Variants in SNX31 observed in about 807,000 individuals in gnomAD.
The protein encoded by SNX31 is sorting nexin 31, also known as sorting nexin-31.
SNX31 carries 58 observed loss-of-function variants against 65.4 expected under a neutral mutation model. That is an observed-to-expected ratio of 0.89 (90% CI 0.72 to 1.10). The LOEUF is 1.10. SNX31 is among the 50% of genes least tolerant of loss of function. SNX31 has a pLI of 0.00. For synonymous variants in SNX31, 181 were observed against 190.1 expected (o/e 0.95, Z 0.39); for missense variants, 523 against 529.7 (o/e 0.99, Z 0.12).
chr8:100,644,004 C>T (rs1819454519), intron 2 of SNX31, among the ~76,000 whole-genome samples: 1 of 152,142 alleles, frequency 6.6e-6, no homozygotes, highest in South Asian at 2.1e-4. Context: ...GAAACGATTG[C>T]TCCCTTGACA....
At chr8:100,642,264 T>G (rs1819310226) in intron 2 of SNX31, among the ~76,000 whole-genome samples, 1 of 152,182 alleles carries the variant, frequency 6.6e-6, no homozygotes, top group African/African-American at 2.4e-5. Flanking sequence ...GAAGCAAAAA[T>G]TTGACTTCTT....
chr8:100,607,960 T>G (rs1816327092), intron 8 of SNX31, among the ~76,000 whole-genome samples: 1 of 152,240 alleles, frequency 6.6e-6, no homozygotes, highest in Non-Finnish European at 1.5e-5. Context: ...GCAGGCAGGT[T>G]GCTTGTTGGC....
In SNX31 at chr8:100,649,665, T is replaced by C. The variant is rs1819899621; in HGVS notation, c.-151A>G. On this transcript the variant is annotated 5_prime_UTR_variant, in exon 1 of 14. Coordinates refer to ENST00000311812, the MANE Select transcript of SNX31 (RefSeq NM_152628.4). ...CCCGCTCTCGCCGGCCGGGGACATC[T>C]ACAGGTGGGGCCGGGGCCGGGCCGC... 5 of 676,488 alleles carry C rather than the reference T, an allele frequency of 7.4e-6. No individual in the cohort carries two copies. Among genetic ancestry groups the C allele is most frequent in the Non-Finnish European group, 9.5e-6 (4 of 419,658 alleles). The allele number at this position is 676,488 out of a possible 1,614,324, so 41.9% of individuals were successfully genotyped here. A position where few individuals can be genotyped will look rare whatever the true frequency, so the allele number is the denominator to read the frequency against.
intron 1 of SNX31, among the ~76,000 whole-genome samples, chr8:100,658,299 G>A (rs1427581189): frequency 6.6e-6 from 1 of 152,186 alleles, no homozygotes; most frequent in South Asian, 2.1e-4. Context: ...GGGAAGCTAC[G>A]TTAGAATCTC....
In SNX31 at chr8:100,600,422, T is replaced by A; in HGVS notation, c.701A>T (p.Lys234Ile). 6.2e-6 allele frequency: 10 copies of A among 1,613,650 alleles called. No homozygotes were observed. The highest frequency in any genetic ancestry group is 8.5e-6 in the Non-Finnish European group (10 of 1,179,784). Residue 234 changes from lysine (K) to isoleucine (I), a missense_variant, in exon 9 of 14, where the codon AAA becomes ATA. Transcript: ENST00000311812. ...LYMQAIQDIEKGWAKPTQAQR... is the reference protein window; with the variant it reads ...LYMQAIQDIEIGWAKPTQAQR... ...TGCCTGTGTGGGTTTGGCCCATCCT[T>A]TTTCAATGTCCTGTATTGCCTTAAA... is the stretch of plus-strand genomic sequence containing the variant.
intron 2 of SNX31, among the ~76,000 whole-genome samples, chr8:100,638,965 A>G (rs1336515119): frequency 6.6e-6 from 1 of 152,238 alleles, no homozygotes; most frequent in Non-Finnish European, 1.5e-5. Flanking sequence ...GCTATATACT[A>G]TATGATTTCA....
At chr8:100,642,619 G>A (rs1232048627) in intron 2 of SNX31, among the ~76,000 whole-genome samples, 1 of 152,156 alleles carries the variant, frequency 6.6e-6, no homozygotes, top group Non-Finnish European at 1.5e-5. Flanking sequence ...AGGAAACTGA[G>A]TAGTTAAATG....
chr8:100,620,306 C>T (rs1428505143), intron 4 of SNX31, among the ~76,000 whole-genome samples: 1 of 152,232 alleles, frequency 6.6e-6, no homozygotes, highest in African/African-American at 2.4e-5. Context: ...ACCTTTCAGA[C>T]ACAACAGATG....
At chr8:100,581,306 A>T (rs1048375053) in intron 12 of SNX31, among the ~76,000 whole-genome samples, 6 of 128,972 alleles carry the variant, frequency 4.7e-5, no homozygotes, top group East Asian at 2.0e-4. Context: ...CTTTAAAAAA[A>T]TTTTTTATAT....
chr8:100,648,344 T>TA lies in SNX31; in HGVS notation c.141+929dup, dbSNP rs1477862699. Among the ~76,000 whole-genome samples, 1 of 134,580 alleles carries TA rather than the reference T, an allele frequency of 7.4e-6. No individual in the cohort carries two copies. The highest frequency in any genetic ancestry group is 1.6e-5 in the Non-Finnish European group (1 of 62,880). The allele number at this position is 134,580 out of a possible 152,430, so 88.3% of individuals were successfully genotyped here. ...ACACTTTTTTTTTTTTTTTTTTTAATAGAGACAAGGTCTCGGCTATGTTGC... is the reference window on the plus strand; with the variant it reads ...ACACTTTTTTTTTTTTTTTTTTTAATAAGAGACAAGGTCTCGGCTATGTTGC... On this transcript the variant is annotated intron_variant, in intron 2 of 13. Transcript: ENST00000311812. The surrounding 1 kb of genome is among the most constrained non-coding windows in gnomAD (Gnocchi z 4.3).
At chr8:100,606,313 G>A (rs544681629) in intron 8 of SNX31, among the ~76,000 whole-genome samples, 10 of 152,248 alleles carry the variant, frequency 6.6e-5, no homozygotes, top group African/African-American at 2.4e-4. Flanking sequence ...GGGATTACAG[G>A]TGTGTGTCCC....
Position 100,608,478 on chromosome 8 carries a change from T to A in SNX31, c.681+16A>T. The A allele has an allele frequency of 6.2e-7, 1 of 1,613,658 alleles. No homozygotes were observed. Among genetic ancestry groups the A allele is most frequent in the Non-Finnish European group, 8.5e-7 (1 of 1,179,642 alleles). On this transcript the variant is annotated intron_variant, in intron 8 of 13. Coordinates refer to ENST00000311812, the MANE Select transcript of SNX31 (RefSeq NM_152628.4). ...CTATGATCTACGGTGCTGTCTGAGC[T>A]CTTGGTGACCCTCACCTGCATGTAG...
chr8:100,576,943 G>T lies in SNX31; in HGVS notation c.1227+76C>A, dbSNP rs1586826804. ...TCTGACTTATTATTGAAAGTGAGAT[G>T]ACTTTGGTTAAAGAGGAAAAAAGAT... On this transcript the variant is annotated intron_variant, in intron 13 of 13. Coordinates refer to ENST00000311812, the MANE Select transcript of SNX31 (RefSeq NM_152628.4). This position sits in a 1 kb window ranked among gnomAD's most constrained non-coding sequence, Gnocchi z 4.8. 2.5e-6 allele frequency: 3 copies of T among 1,191,152 alleles called. No homozygotes were observed. The highest frequency in any genetic ancestry group is 2.7e-5 in the South Asian group (2 of 73,140). 73.8% of individuals were successfully genotyped at this position (1,191,152 alleles called of 1,614,324 possible). A position where few individuals can be genotyped will look rare whatever the true frequency, so the allele number is the denominator to read the frequency against.
At chr8:100,595,223 G>A (rs1260972734) in intron 10 of SNX31, among the ~76,000 whole-genome samples, 1 of 152,024 alleles carries the variant, frequency 6.6e-6, no homozygotes, top group African/African-American at 2.4e-5. Context: ...GGAAAGAGTG[G>A]TGTAGGGAGA....
chr8:100,610,042 G>A lies in SNX31; in HGVS notation c.612-1479C>T, dbSNP rs560040372. On this transcript the variant is annotated intron_variant, in intron 7 of 13. Coordinates refer to ENST00000311812, the MANE Select transcript of SNX31 (RefSeq NM_152628.4). This position sits in a 1 kb window ranked among gnomAD's most constrained non-coding sequence, Gnocchi z 4.0. ...GCGGCAAGACTTCCCTCTGGAAAGA[G>A]GGCAAGGCACCTGCAGGAGCCTATG... Among the ~76,000 whole-genome samples, 3 of 152,182 alleles carry A rather than the reference G, an allele frequency of 2.0e-5. No homozygotes were observed. Among genetic ancestry groups the A allele is most frequent in the African/African-American group, 7.2e-5 (3 of 41,448 alleles).
At chr8:100,657,618 G>T in intron 1 of SNX31, 1 of 454,722 alleles carries the variant, frequency 2.2e-6, no homozygotes, top group Middle Eastern at 3.3e-4. Flanking sequence ...GGATGTGTGG[G>T]AAGGAGGTCC....
At chr8:100,620,458 T>C (rs1442820255) in intron 4 of SNX31, among the ~76,000 whole-genome samples, 1 of 152,178 alleles carries the variant, frequency 6.6e-6, no homozygotes, top group East Asian at 1.9e-4. Context: ...ACATTTTAAT[T>C]CCTCCCCACC....
chr8:100,660,168 C>T lies in SNX31; in HGVS notation c.-58+2974G>A, dbSNP rs1345662618. ...TAGTTACCTTTCTCTGAGCACTTACCATCTTCCAGAGAACCATTTTACGTA... is the reference window on the plus strand; with the variant it reads ...TAGTTACCTTTCTCTGAGCACTTACTATCTTCCAGAGAACCATTTTACGTA... On this transcript the variant is annotated intron_variant, in intron 1 of 5. Transcript: ENST00000520352. This position sits in a 1 kb window ranked among gnomAD's most constrained non-coding sequence, Gnocchi z 4.1. Among the ~76,000 whole-genome samples, 1 of 152,134 alleles carries T rather than the reference C, an allele frequency of 6.6e-6. No individual in the cohort carries two copies. The highest frequency in any genetic ancestry group is 1.5e-5 in the Non-Finnish European group (1 of 68,036).
chr8:100,653,841 C>G (rs1206692086), upstream of SNX31, among the ~76,000 whole-genome samples: 1 of 152,174 alleles, frequency 6.6e-6, no homozygotes, highest in Non-Finnish European at 1.5e-5. Flanking sequence ...AAGAGCAGCT[C>G]AGAGGAAAGG....
Sources: gnomAD v4.1 joint callset for allele counts (sites outside exome capture counted in the v4.1 genomes callset) on GRCh38, gnomAD v4.1.1 for gene constraint, Gnocchi (gnomAD v3.1) non-coding constraint, MANE v1.5 for transcripts, NCBI Gene and HGNC (gene_info 2026-07-23, HGNC 2026-07-21) for gene names.